GMDS: variants seen among roughly 807,000 people sequenced by gnomAD.
GMDS encodes the protein GDP-mannose 4,6-dehydratase, also known as GDP-mannose 4,6 dehydratase.
Under a neutral mutation model 49.9 loss-of-function variants are expected in GMDS, and 20 were observed. The observed-to-expected ratio is 0.40, with a 90% CI of 0.28 to 0.58. GMDS has a LOEUF of 0.58. GMDS is among the 20% of genes least tolerant of loss of function. The pLI is 0.42. For synonymous variants in GMDS, 177 were observed against 178.6 expected, an observed-to-expected ratio of 0.99 and a Z score of 0.07; for missense variants, 362 against 481.4, an observed-to-expected ratio of 0.75 and a Z score of 2.32.
intron 9 of GMDS, among the ~76,000 whole-genome samples, chr6:1,653,703 G>T (rs1052460024): frequency 6.6e-6 from 1 of 152,200 alleles, no homozygotes; most frequent in African/African-American, 2.4e-5. Context: ...TACGGGGAAA[G>T]AACAGTCTCT....
intron 9 of GMDS, among the ~76,000 whole-genome samples, chr6:1,696,723 C>T (rs558295731): frequency 2.6e-4 from 40 of 152,334 alleles, no homozygotes; most frequent in Non-Finnish European, 4.0e-4. Context: ...CTGGAAGAAG[C>T]AGGAGCAAAG....
chr6:1,823,903 A>T (rs1022036467), intron 7 of GMDS, among the ~76,000 whole-genome samples: 2 of 152,040 alleles, frequency 1.3e-5, no homozygotes, highest in Non-Finnish European at 1.5e-5. Context: ...CCTCACCACC[A>T]CTTGCTACAC....
chr6:2,180,421 T>C (rs1778468142), intron 1 of GMDS, among the ~76,000 whole-genome samples: 1 of 152,226 alleles, frequency 6.6e-6, no homozygotes, highest in African/African-American at 2.4e-5. Context: ...ATTTTGATCT[T>C]TTCATCTTTT....
chr6:2,221,664 A>G (rs11961324), intron 1 of GMDS, among the ~76,000 whole-genome samples: 19,007 of 152,284 alleles, frequency 0.12, 1,252 homozygotes, highest in Middle Eastern at 0.23. Context: ...CTGGGATTAC[A>G]GGAGTGAGCC....
intron 7 of GMDS, among the ~76,000 whole-genome samples, chr6:1,751,043 C>A (rs1255295331): frequency 6.6e-6 from 1 of 152,212 alleles, no homozygotes; most frequent in Admixed American, 6.5e-5. Flanking sequence ...CTGGGCAGAG[C>A]ATTTCTGAAA....
intron 1 of GMDS, among the ~76,000 whole-genome samples, chr6:2,175,358 C>T (rs1435754548): frequency 6.6e-6 from 1 of 152,144 alleles, no homozygotes; most frequent in Non-Finnish European, 1.5e-5. Context: ...AAATATGGTT[C>T]CTGTCACTGT....
chr6:1,673,210 G>A (rs920052694), intron 9 of GMDS, among the ~76,000 whole-genome samples: 1 of 152,080 alleles, frequency 6.6e-6, no homozygotes, highest in East Asian at 1.9e-4. Flanking sequence ...TCAGCTGACC[G>A]ATGCCTGCAC....
At chr6:1,650,331 A>G (rs372346542) in intron 9 of GMDS, among the ~76,000 whole-genome samples, 8 of 152,000 alleles carry the variant, frequency 5.3e-5, no homozygotes, top group African/African-American at 1.9e-4. Context: ...ACCATTAATT[A>G]TATGCTTATT....
chr6:1,723,122 G>T (rs9378652), intron 9 of GMDS, among the ~76,000 whole-genome samples: 127,466 of 152,150 alleles, frequency 0.84, 53,865 homozygotes, highest in East Asian at 1. Flanking sequence ...TACCAGCACA[G>T]GTGGAACTAC....
chr6:2,066,506 C>T lies in GMDS; in HGVS notation c.345+49265G>A, dbSNP rs1016785762. Reference sequence around the variant, plus strand: ...TAAAGAGTCAAGACCCATCAGTGTGCTGTATTCAGGAAACCCATCTCATGT... The same window carrying T: ...TAAAGAGTCAAGACCCATCAGTGTGTTGTATTCAGGAAACCCATCTCATGT... On this transcript the variant is annotated intron_variant, in intron 4 of 10. Coordinates refer to ENST00000380815, the MANE Select transcript of GMDS (RefSeq NM_001500.4). 5.1e-4 allele frequency among the ~76,000 whole-genome samples: 77 copies of T among 151,336 alleles called. 1 individual carries two copies. The highest frequency in any genetic ancestry group is 2.6e-4 in the Admixed American group (4 of 15,186).
chr6:2,003,564 G>T (rs540090419), intron 4 of GMDS, among the ~76,000 whole-genome samples: 122 of 152,210 alleles, frequency 8.0e-4, no homozygotes, highest in Middle Eastern at 3.4e-3. Context: ...ATTCCAAAGG[G>T]ATTACCTAGA....
At chr6:1,951,825 G>A in intron 6 of GMDS, 1 of 772,902 alleles carries the variant, frequency 1.3e-6, no homozygotes, top group Non-Finnish European at 1.6e-6. Flanking sequence ...AATTATTTCT[G>A]TCAAACATCT....
At chr6:1,645,294 C>T (rs960110943) in intron 9 of GMDS, among the ~76,000 whole-genome samples, 4 of 152,202 alleles carry the variant, frequency 2.6e-5, no homozygotes, top group African/African-American at 7.2e-5. Flanking sequence ...ATGCAAGCCC[C>T]CCATGGGCAG....
At chr6:1,957,011 C>T (rs1282612391) in intron 6 of GMDS, among the ~76,000 whole-genome samples, 1 of 152,058 alleles carries the variant, frequency 6.6e-6, no homozygotes, top group Non-Finnish European at 1.5e-5. Context: ...CCATGTTGGC[C>T]AGGCTGGTCT....
chr6:1,983,987 T>C (rs943078000), intron 4 of GMDS, among the ~76,000 whole-genome samples: 11 of 152,142 alleles, frequency 7.2e-5, no homozygotes, highest in African/African-American at 2.4e-4. Flanking sequence ...TCATCAATGA[T>C]AGACTGAATT....
At chr6:1,827,927 A>C (rs1025031741) in intron 7 of GMDS, among the ~76,000 whole-genome samples, 5 of 152,168 alleles carry the variant, frequency 3.3e-5, no homozygotes, top group African/African-American at 7.2e-5. Flanking sequence ...GAAAGTACAG[A>C]GCATTCAAAG....
intron 4 of GMDS, among the ~76,000 whole-genome samples, chr6:1,989,082 T>C (rs1050544846): frequency 4.6e-5 from 7 of 152,216 alleles, no homozygotes; most frequent in South Asian, 2.1e-4. Context: ...ACGGAGAACG[T>C]TGACACAAGT....
intron 7 of GMDS, among the ~76,000 whole-genome samples, chr6:1,899,871 C>T (rs1054304544): frequency 6.6e-6 from 1 of 151,174 alleles, no homozygotes; most frequent in Admixed American, 6.6e-5. Flanking sequence ...AGAACACAGT[C>T]GCCACTCTAA....
In GMDS at chr6:1,742,509, T is replaced by C. The variant is rs1238076042; in HGVS notation, c.849A>G (p.Glu283=). Reference sequence around the variant, plus strand: ...TGTGCAAGAATGATTTCTCGACAAATTCCCGGACACTATGGACCTCCCCAG... The same window carrying C: ...TGTGCAAGAATGATTTCTCGACAAACTCCCGGACACTATGGACCTCCCCAG... ...IATGEVHSVR[E]FVEKSFLHIG... is the part of the protein sequence containing the mutation. Residue 283 remains glutamate, a synonymous_variant, in exon 8 of 11, where the codon GAA becomes GAG. Coordinates refer to ENST00000380815, the MANE Select transcript of GMDS (RefSeq NM_001500.4). 2 of 1,611,090 alleles carry C rather than the reference T, an allele frequency of 1.2e-6. No homozygotes were observed. Among genetic ancestry groups the C allele is most frequent in the African/African-American group, 2.7e-5 (2 of 74,860 alleles).
Sources: gnomAD v4.1 joint callset for allele counts (sites outside exome capture counted in the v4.1 genomes callset) on GRCh38, gnomAD v4.1.1 for gene constraint, MANE v1.5 for transcripts, NCBI Gene and HGNC (gene_info 2026-07-23, HGNC 2026-07-21) for gene names.